The following TTBK2 variants were observed in gnomAD, a reference collection of about 807,000 sequenced individuals.
TTBK2 encodes tau-tubulin kinase 2.
A neutral mutation model predicts 110.8 loss-of-function variants in TTBK2; 28 were observed. The observed-to-expected ratio is 0.25, with a 90% CI of 0.19 to 0.35. The LOEUF (loss-of-function observed/expected upper bound fraction) is 0.35, where lower values mean the gene tolerates loss of function less well. Among genes scored for constraint, TTBK2 ranks in the 10% least tolerant of loss-of-function variants. The pLI is 1.00. For missense variants in TTBK2, 1,369 were observed against 1,500.3 expected (o/e 0.91, Z 1.45); for synonymous variants, 532 against 527.3 (o/e 1.01, Z -0.12).
chr15:42,746,201 C>A lies in TTBK2; in HGVS notation c.3329G>T (p.Arg1110Leu), dbSNP rs146279300. ...SSNSDSDLFSRLAQILQNGSQ... is the reference protein window; with the variant it reads ...SSNSDSDLFSLLAQILQNGSQ... ...TCCATTTTGAAGAATTTGGGCCAGGCGGGAGAAAAGGTCTGAGTCGGAGTT... is the reference window on the plus strand; with the variant it reads ...TCCATTTTGAAGAATTTGGGCCAGGAGGGAGAAAAGGTCTGAGTCGGAGTT... Residue 1110 changes from arginine (R) to leucine (L), a missense_variant, in exon 15 of 15, where the codon CGC (arginine) becomes CTC (leucine). Physicochemically the swap from Arg to Leu is moderately radical, Grantham distance 102. Transcript: ENST00000267890. 1.9e-6 allele frequency: 3 copies of A among 1,613,968 alleles called. No homozygotes were observed. The highest frequency in any genetic ancestry group is 2.5e-6 in the Non-Finnish European group (3 of 1,180,016).
chr15:42,819,994 T>C (rs575060492), intron 6 of TTBK2, among the ~76,000 whole-genome samples: 3 of 152,306 alleles, frequency 2.0e-5, no homozygotes, highest in South Asian at 2.1e-4. Context: ...CCTGATGGAT[T>C]CTAGCCAAGT....
At chr15:42,833,303 T>G (rs1049550769) in intron 4 of TTBK2, among the ~76,000 whole-genome samples, 21 of 131,508 alleles carry the variant, frequency 1.6e-4, no homozygotes, top group African/African-American at 5.5e-4. Context: ...GTGGAATGAA[T>G]AAAAGAAGCA....
intron 13 of TTBK2, among the ~76,000 whole-genome samples, chr15:42,755,994 G>C (rs976828639): frequency 3.3e-5 from 5 of 152,044 alleles, no homozygotes; most frequent in Non-Finnish European, 5.9e-5. Flanking sequence ...TCAGGAGTTT[G>C]AGACCAGACT....
intron 2 of TTBK2, among the ~76,000 whole-genome samples, chr15:42,874,815 G>A (rs1221616730): frequency 4.0e-5 from 6 of 150,926 alleles, no homozygotes; most frequent in African/African-American, 9.7e-5. Context: ...GTGAAAGCCC[G>A]TCTCTACTAA....
At chr15:42,749,509 G>A (rs541903344) in intron 14 of TTBK2, among the ~76,000 whole-genome samples, 2 of 152,350 alleles carry the variant, frequency 1.3e-5, no homozygotes, top group Admixed American at 6.5e-5. Flanking sequence ...GGAGCAGTGT[G>A]CACACAGCTT....
chr15:42,840,767 C>T (rs550668148), intron 3 of TTBK2, among the ~76,000 whole-genome samples: 1 of 152,118 alleles, frequency 6.6e-6, no homozygotes, highest in South Asian at 2.1e-4. Flanking sequence ...TATGAAGCCA[C>T]AGAAGAGCAA....
At chr15:42,824,642 T>A (rs183618551) in intron 6 of TTBK2, among the ~76,000 whole-genome samples, 3 of 152,190 alleles carry the variant, frequency 2.0e-5, no homozygotes, top group Non-Finnish European at 4.4e-5. Flanking sequence ...GTATTTACTG[T>A]GATAATAAAA....
At chr15:42,813,526 T>C (rs1891813505) in intron 7 of TTBK2, among the ~76,000 whole-genome samples, 1 of 150,768 alleles carries the variant, frequency 6.6e-6, no homozygotes, top group Non-Finnish European at 1.5e-5. Context: ...TCCCAAAAAA[T>C]AAAAAATAAA....
chr15:42,811,438 A>G (rs1320962245), intron 8 of TTBK2, among the ~76,000 whole-genome samples: 6 of 152,254 alleles, frequency 3.9e-5, no homozygotes, highest in Non-Finnish European at 8.8e-5. Flanking sequence ...AATAAAATTA[A>G]AAGCTAAGAG....
At chr15:42,840,242 A>T in intron 4 of TTBK2, 118 bp downstream of exon 4, 1 of 908,500 alleles carries the variant, frequency 1.1e-6, no homozygotes, top group Non-Finnish European at 1.8e-6. Context: ...CCATCTGCAT[A>T]GTATAAAACA....
chr15:42,795,212 C>T (rs559967343), intron 9 of TTBK2, among the ~76,000 whole-genome samples: 20 of 150,264 alleles, frequency 1.3e-4, no homozygotes, highest in African/African-American at 4.4e-4. Flanking sequence ...TAACATGTAA[C>T]GTGTCTAGGT....
intron 12 of TTBK2, 47 bp downstream of exon 12, chr15:42,776,984 T>C (rs1174819609): frequency 6.4e-7 from 1 of 1,552,212 alleles, no homozygotes; most frequent in Admixed American, 1.7e-5. Flanking sequence ...ACAACAATAA[T>C]AATGGTACCT....
chr15:42,863,235 G>A (rs754247006), intron 3 of TTBK2, among the ~76,000 whole-genome samples: 33 of 151,898 alleles, frequency 2.2e-4, no homozygotes, highest in South Asian at 2.1e-4. Context: ...CAAAACCAAC[G>A]TACAAAAATC....
chr15:42,772,478 C>T (rs904954591), intron 13 of TTBK2, among the ~76,000 whole-genome samples: 5 of 152,126 alleles, frequency 3.3e-5, no homozygotes, highest in African/African-American at 1.2e-4. Context: ...GAGCTAGAAC[C>T]ACTGAACTAA....
intron 3 of TTBK2, among the ~76,000 whole-genome samples, chr15:42,852,122 T>A (rs1353377895): frequency 6.6e-6 from 1 of 150,884 alleles, no homozygotes; most frequent in African/African-American, 2.4e-5. Context: ...CAGGCGGGAG[T>A]GCAGTCACGC....
intron 5 of TTBK2, among the ~76,000 whole-genome samples, chr15:42,829,388 C>T (rs80103262): frequency 6.6e-6 from 1 of 152,146 alleles, no homozygotes; most frequent in Non-Finnish European, 1.5e-5. Flanking sequence ...ACAAATAGTT[C>T]AAGAACACAG....
intron 11 of TTBK2, among the ~76,000 whole-genome samples, chr15:42,779,919 T>TAGTGAGCTGAGATCGC (rs1890106804): frequency 6.6e-6 from 1 of 151,972 alleles, no homozygotes; most frequent in Admixed American, 6.5e-5. Context: ...GCGGAGGTTG[T>TAGTGAGCTGAGATCGC]AGTGAGCTGA....
chr15:42,825,708 C>T (rs1892502600), intron 6 of TTBK2, among the ~76,000 whole-genome samples: 2 of 152,212 alleles, frequency 1.3e-5, no homozygotes, highest in African/African-American at 4.8e-5. Context: ...GAGCGAGACT[C>T]CATCTCGAAA....
At chr15:42,892,640 G>A (rs1261262716) in intron 1 of TTBK2, among the ~76,000 whole-genome samples, 1 of 148,366 alleles carries the variant, frequency 6.7e-6, no homozygotes, top group Admixed American at 6.8e-5. Flanking sequence ...AGGAAGTTGA[G>A]GCTGCAGTGA....
Sources: allele counts gnomAD v4.1 joint callset (sites outside exome capture counted in the v4.1 genomes callset), GRCh38; gene constraint gnomAD v4.1.1; transcripts MANE v1.5; gene names NCBI Gene and HGNC (gene_info 2026-07-23, HGNC 2026-07-21).